Variants in STPG2 observed in about 807,000 individuals in gnomAD.
STPG2 encodes sperm tail PG-rich repeat containing 2, also known as sperm-tail PG-rich repeat-containing protein 2.
STPG2 carries 56 observed loss-of-function variants against 54.2 expected under a neutral mutation model. The observed-to-expected ratio is 1.03, with a 90% CI of 0.83 to 1.29. The LOEUF (loss-of-function observed/expected upper bound fraction) is 1.29, where lower values mean the gene tolerates loss of function less well. STPG2 is among the 50% of genes most tolerant of loss of function. STPG2 has a pLI of 0.00. For synonymous variants in STPG2, 200 were observed against 181.8 expected (o/e 1.10, Z -0.81); for missense variants, 596 against 544.9 (o/e 1.09, Z -0.93).
chr4:97,819,062 A>T (rs1231821403), intron 9 of STPG2, among the ~76,000 whole-genome samples: 1 of 150,980 alleles, frequency 6.6e-6, no homozygotes, highest in Non-Finnish European at 1.5e-5. Flanking sequence ...CATGTTTAAT[A>T]ATAAAATTTC....
chr4:97,828,070 T>C (rs1728320914), intron 9 of STPG2, among the ~76,000 whole-genome samples: 1 of 152,156 alleles, frequency 6.6e-6, no homozygotes, highest in Non-Finnish European at 1.5e-5. Context: ...AAAGCCTCTA[T>C]AAAATAATCA....
At chr4:98,106,864 A>G (rs947306587) in intron 4 of STPG2, among the ~76,000 whole-genome samples, 1 of 152,152 alleles carries the variant, frequency 6.6e-6, no homozygotes, top group African/African-American at 2.4e-5. Flanking sequence ...TACAGACCAC[A>G]CTACTATTTT....
chr4:97,882,015 G>T (rs1038561944), intron 8 of STPG2, among the ~76,000 whole-genome samples: 7 of 152,006 alleles, frequency 4.6e-5, no homozygotes, highest in Non-Finnish European at 8.8e-5. Context: ...AAAGGCAGGT[G>T]CCCCCCTCCC....
chr4:98,125,011 T>C (rs1310426376), intron 3 of STPG2, among the ~76,000 whole-genome samples: 2 of 152,234 alleles, frequency 1.3e-5, no homozygotes. Context: ...TCATGTTGTG[T>C]TTTTCAGCTC....
intron 9 of STPG2, among the ~76,000 whole-genome samples, chr4:97,781,236 C>T (rs1039586009): frequency 1.6e-4 from 25 of 152,108 alleles, no homozygotes; most frequent in Admixed American, 5.2e-4. Flanking sequence ...CAATAAAAAA[C>T]GATAAAGGAG....
intron 10 of STPG2, among the ~76,000 whole-genome samples, chr4:97,708,208 A>G (rs908031335): frequency 6.6e-6 from 1 of 152,126 alleles, no homozygotes; most frequent in Non-Finnish European, 1.5e-5. Context: ...GTTTTTTTAA[A>G]ATATTACCAC....
At chr4:97,592,547 C>A (rs915695269) in intron 10 of STPG2, among the ~76,000 whole-genome samples, 1 of 152,012 alleles carries the variant, frequency 6.6e-6, no homozygotes, top group South Asian at 2.1e-4. Flanking sequence ...TCAAAACAGC[C>A]AACTAGCTGT....
chr4:97,691,670 T>C (rs1393349600), intron 10 of STPG2, among the ~76,000 whole-genome samples: 2 of 152,064 alleles, frequency 1.3e-5, no homozygotes, highest in African/African-American at 4.8e-5. Flanking sequence ...TAGGGCAAGC[T>C]TGAATCCTCC....
At chr4:97,946,401 A>C (rs1733223575) in intron 7 of STPG2, among the ~76,000 whole-genome samples, 1 of 152,118 alleles carries the variant, frequency 6.6e-6, no homozygotes, top group Admixed American at 6.6e-5. Context: ...TAGTTTAATT[A>C]GGTCTAATTT....
chr4:97,510,138 A>G (rs1216094517), intron 4 of STPG2, among the ~76,000 whole-genome samples: 1 of 152,072 alleles, frequency 6.6e-6, no homozygotes, highest in African/African-American at 2.4e-5. Flanking sequence ...TTATCTACAC[A>G]CTAGCACACA....
intron 8 of STPG2, among the ~76,000 whole-genome samples, chr4:97,847,426 G>T (rs569458522): frequency 6.6e-6 from 1 of 152,082 alleles, no homozygotes; most frequent in East Asian, 1.9e-4. Flanking sequence ...TAAGTAGTAT[G>T]TAAAAATGGA....
At chr4:97,913,709 T>C (rs756106301) in intron 8 of STPG2, among the ~76,000 whole-genome samples, 6 of 152,140 alleles carry the variant, frequency 3.9e-5, no homozygotes, top group Non-Finnish European at 7.4e-5. Context: ...CTTCATAATG[T>C]TGATAAATAA....
At chr4:98,052,958 A>C (rs1440158876) in intron 5 of STPG2, among the ~76,000 whole-genome samples, 1 of 152,188 alleles carries the variant, frequency 6.6e-6, no homozygotes, top group Non-Finnish European at 1.5e-5. Context: ...TGAGGAAGGG[A>C]AAATACAGTC....
intron 8 of STPG2, among the ~76,000 whole-genome samples, chr4:97,910,942 C>G (rs1053419482): frequency 1.3e-5 from 2 of 152,110 alleles, no homozygotes; most frequent in Non-Finnish European, 2.9e-5. Context: ...ACACCTTCAA[C>G]TAAGGTATCC....
chr4:97,701,762 A>G (rs1476060136), intron 10 of STPG2, among the ~76,000 whole-genome samples: 2 of 152,226 alleles, frequency 1.3e-5, no homozygotes, highest in Non-Finnish European at 2.9e-5. Context: ...TTAATTAGCC[A>G]ATCCCATAGC....
At chr4:97,551,404 TA>T (rs1234479282) in intron 4 of STPG2, among the ~76,000 whole-genome samples, 2 of 152,172 alleles carry the variant, frequency 1.3e-5, no homozygotes, top group Non-Finnish European at 2.9e-5. Context: ...AAGTAGTAAC[TA>T]AAGATATTTT....
At chr4:97,931,076 C>A (rs1010417249) in intron 8 of STPG2, among the ~76,000 whole-genome samples, 2 of 152,082 alleles carry the variant, frequency 1.3e-5, no homozygotes, top group Admixed American at 6.6e-5. Flanking sequence ...GCTGAAGGGG[C>A]TTTTGGGCCA....
chr4:98,130,521 G>C (rs1739957202), intron 2 of STPG2, among the ~76,000 whole-genome samples: 1 of 152,068 alleles, frequency 6.6e-6, no homozygotes, highest in Non-Finnish European at 1.5e-5. Context: ...CAACCATTAA[G>C]TAGTTTCAGT....
At chr4:97,583,762 A>G (rs1732923657) in intron 10 of STPG2, among the ~76,000 whole-genome samples, 1 of 151,980 alleles carries the variant, frequency 6.6e-6, no homozygotes, top group South Asian at 2.1e-4. Context: ...TAAAGCAACA[A>G]TGTTAAAAAA....
Sources: allele counts gnomAD v4.1 joint callset (sites outside exome capture counted in the v4.1 genomes callset), GRCh38; gene constraint gnomAD v4.1.1; transcripts MANE v1.5; gene names NCBI Gene and HGNC (gene_info 2026-07-23, HGNC 2026-07-21).